AKAIN1: variants seen among roughly 807,000 people sequenced by gnomAD.
AKAIN1 encodes A-kinase anchor protein inhibitor 1.
A neutral mutation model predicts 3.7 loss-of-function variants in AKAIN1; 3 were observed. That is an observed-to-expected ratio of 0.82 (90% confidence interval 0.37 to 2.12). AKAIN1 has a LOEUF of 2.12. Among genes scored for constraint, AKAIN1 ranks in the 30% most tolerant of loss-of-function variants. The pLI is 0.06. For synonymous variants in AKAIN1, 31 were observed against 30.8 expected (o/e 1.01, Z -0.02); for missense variants, 82 against 82.7 (o/e 0.99, Z 0.03).
At chr18:5,185,588 A>G (rs1027301639) in intron 1 of AKAIN1, among the ~76,000 whole-genome samples, 1 of 152,202 alleles carries the variant, frequency 6.6e-6, no homozygotes, top group Non-Finnish European at 1.5e-5. Flanking sequence ...CAATAAGCAC[A>G]TAAAAAATGC....
intron 1 of AKAIN1, among the ~76,000 whole-genome samples, chr18:5,159,669 T>C (rs987504879): frequency 1.3e-5 from 2 of 152,110 alleles, no homozygotes; most frequent in African/African-American, 4.8e-5. Context: ...CAGCTGCATT[T>C]TTTCAATTCA....
intron 1 of AKAIN1, among the ~76,000 whole-genome samples, chr18:5,186,448 G>A (rs909740403): frequency 1.3e-5 from 2 of 151,476 alleles, no homozygotes; most frequent in African/African-American, 4.9e-5. Context: ...AAATAAAGAG[G>A]GACACTCTCT....
intron 1 of AKAIN1, among the ~76,000 whole-genome samples, chr18:5,161,342 T>C (rs991057741): frequency 6.6e-6 from 1 of 152,192 alleles, no homozygotes; most frequent in East Asian, 1.9e-4. Context: ...GTGTTTATTG[T>C]TAATGTATAG....
At chr18:5,196,327 T>TGCGC (rs1598319540) in intron 1 of AKAIN1, among the ~76,000 whole-genome samples, 2 of 152,234 alleles carry the variant, frequency 1.3e-5, no homozygotes, top group African/African-American at 2.4e-5. Flanking sequence ...CGGACTCAAA[T>TGCGC]GCGCACGCAC....
intron 1 of AKAIN1, among the ~76,000 whole-genome samples, chr18:5,175,425 C>T (rs925503382): frequency 3.9e-5 from 6 of 152,130 alleles, no homozygotes; most frequent in East Asian, 1.9e-4. Context: ...ACATAAACAA[C>T]GAAGGGACCC....
At chr18:5,152,858 G>A (rs1417372367) in intron 1 of AKAIN1, among the ~76,000 whole-genome samples, 2 of 152,166 alleles carry the variant, frequency 1.3e-5, no homozygotes, top group Non-Finnish European at 2.9e-5. Context: ...GGGCGATGGC[G>A]CTGAAGAAAG....
chr18:5,166,766 A>G (rs2071170120), intron 1 of AKAIN1, among the ~76,000 whole-genome samples: 1 of 152,112 alleles, frequency 6.6e-6, no homozygotes, highest in African/African-American at 2.4e-5. Context: ...GGTTGCAAGA[A>G]TATTAATCAC....
intron 1 of AKAIN1, 48 bp downstream of exon 1, chr18:5,196,990 C>A: frequency 6.7e-7 from 1 of 1,494,466 alleles, no homozygotes; most frequent in Non-Finnish European, 9.1e-7. Context: ...CCGTCCTCTA[C>A]CCTGCTCCCC....
At chr18:5,166,644 G>A (rs1261707306) in intron 1 of AKAIN1, among the ~76,000 whole-genome samples, 1 of 152,070 alleles carries the variant, frequency 6.6e-6, no homozygotes, top group Non-Finnish European at 1.5e-5. Context: ...ATGACAGTCT[G>A]CTCAACATGC....
At chr18:5,183,683 T>C (rs1400649596) in intron 1 of AKAIN1, among the ~76,000 whole-genome samples, 1 of 152,108 alleles carries the variant, frequency 6.6e-6, no homozygotes, top group African/African-American at 2.4e-5. Context: ...AGTTGTTATT[T>C]TCTATAAAGT....
At chr18:5,148,307 A>G (rs1481393100) in intron 1 of AKAIN1, among the ~76,000 whole-genome samples, 1 of 152,180 alleles carries the variant, frequency 6.6e-6, no homozygotes, top group Non-Finnish European at 1.5e-5. Flanking sequence ...CTTACATCTT[A>G]CTGCTCTGAC....
At chr18:5,186,065 T>G (rs2071285522) in intron 1 of AKAIN1, among the ~76,000 whole-genome samples, 1 of 152,028 alleles carries the variant, frequency 6.6e-6, no homozygotes, top group African/African-American at 2.4e-5. Context: ...GAGCTGGAGC[T>G]CCATAGATGC....
intron 1 of AKAIN1, among the ~76,000 whole-genome samples, chr18:5,159,844 C>A (rs562686439): frequency 1.3e-5 from 2 of 152,282 alleles, no homozygotes; most frequent in South Asian, 2.1e-4. Flanking sequence ...CTTAATCCTG[C>A]GAAAGATAAA....
intron 1 of AKAIN1, among the ~76,000 whole-genome samples, chr18:5,194,843 C>T (rs2071338986): frequency 6.6e-6 from 1 of 152,060 alleles, no homozygotes; most frequent in South Asian, 2.1e-4. Context: ...GTTAGGTTAG[C>T]TTGAAAGAAA....
intron 1 of AKAIN1, among the ~76,000 whole-genome samples, chr18:5,175,328 C>A (rs1194270837): frequency 6.6e-6 from 1 of 152,138 alleles, no homozygotes; most frequent in Non-Finnish European, 1.5e-5. Context: ...ACATCGACAA[C>A]TGAGTTGTAG....
intron 1 of AKAIN1, among the ~76,000 whole-genome samples, chr18:5,168,459 A>G (rs904126627): frequency 5.9e-5 from 9 of 151,986 alleles, no homozygotes; most frequent in Admixed American, 1.3e-4. Context: ...CACCTTTTGA[A>G]AGACCACGTA....
intron 1 of AKAIN1, among the ~76,000 whole-genome samples, chr18:5,191,486 T>C (rs999167395): frequency 1.3e-5 from 2 of 152,124 alleles, no homozygotes; most frequent in Non-Finnish European, 2.9e-5. Context: ...TCTGATGAAA[T>C]GAAGAAGAGC....
chr18:5,169,015 G>A (rs1006018689), intron 1 of AKAIN1, among the ~76,000 whole-genome samples: 3 of 152,030 alleles, frequency 2.0e-5, no homozygotes, highest in African/African-American at 7.2e-5. Context: ...AGTGGTTCAT[G>A]TGTTTGTGAA....
chr18:5,180,364 C>T (rs2071250401), intron 1 of AKAIN1, among the ~76,000 whole-genome samples: 1 of 152,068 alleles, frequency 6.6e-6, no homozygotes, highest in South Asian at 2.1e-4. Context: ...TTTCTCTTTT[C>T]CCAGGCCAGG....
Sources: gnomAD v4.1 joint callset for allele counts (sites outside exome capture counted in the v4.1 genomes callset) on GRCh38, gnomAD v4.1.1 for gene constraint, MANE v1.5 for transcripts, NCBI Gene and HGNC (gene_info 2026-07-23, HGNC 2026-07-21) for gene names.